Variants in RGPD4 observed in about 807,000 individuals in gnomAD.
RGPD4 encodes RANBP2 like and GRIP domain containing 4, also known as ranBP2-like and GRIP domain-containing protein 4.
RGPD4 carries 84 observed loss-of-function variants against 141.1 expected under a neutral mutation model. The ratio of observed to expected loss-of-function variants is 0.60; its 90% CI spans 0.50 to 0.71. The LOEUF (loss-of-function observed/expected upper bound fraction) is 0.71. Among genes scored for constraint, RGPD4 ranks in the 30% least tolerant of loss-of-function variants. RGPD4 has a pLI of 0.00. For missense variants in RGPD4, 918 were observed against 1,622.4 expected (o/e 0.57, Z 7.46); for synonymous variants, 298 against 566.8 (o/e 0.53, Z 6.74).
intron 18 of RGPD4, 77 bp from the exon 19 acceptor site, chr2:107,869,806 G>C (rs55722971): frequency 8.6e-6 from 13 of 1,516,630 alleles, no homozygotes; most frequent in Admixed American, 2.2e-5. Context: ...TTTTGTATTT[G>C]TAGCTCTTGA....
chr2:107,831,557 C>T (rs1159939307), intron 1 of RGPD4, among the ~76,000 whole-genome samples: 7 of 83,224 alleles, frequency 8.4e-5, no homozygotes, highest in Non-Finnish European at 1.7e-4. Context: ...TAGACATTTT[C>T]TTTTCTTTTC....
chr2:107,847,099 G>A (rs372844845), intron 6 of RGPD4, among the ~76,000 whole-genome samples: 12 of 148,646 alleles, frequency 8.1e-5, no homozygotes, highest in East Asian at 8.1e-4. Flanking sequence ...AAAATTAGCC[G>A]GGCATGTTGG....
Position 107,867,262 on chromosome 2 carries a change from G to C in RGPD4, c.2605+937G>C, listed in dbSNP as rs1206393310. On this transcript the variant is annotated intron_variant, in intron 18 of 22. Transcript: ENST00000408999. Reference sequence around the variant, plus strand: ...ACAGACTTCTGAAATGGTAGTAGTAGTGCCCTTTTTTTTCTCTCTCTCTTT... The same window carrying C: ...ACAGACTTCTGAAATGGTAGTAGTACTGCCCTTTTTTTTCTCTCTCTCTTT... Among the ~76,000 whole-genome samples the C allele has an allele frequency of 1.3e-5, 2 of 151,784 alleles. 1 individual carries two copies. The highest frequency in any genetic ancestry group is 4.8e-5 in the African/African-American group (2 of 41,262).
Position 107,826,911 on chromosome 2 carries a change from T to C in RGPD4, c.-103T>C, listed in dbSNP as rs1174150637. 1.9e-6 allele frequency: 3 copies of C among 1,545,004 alleles called. No individual in the cohort carries two copies. The highest frequency in any genetic ancestry group is 1.7e-6 in the Non-Finnish European group (2 of 1,144,466). On this transcript the variant is annotated 5_prime_UTR_variant, in exon 1 of 23. Coordinates refer to ENST00000408999, the MANE Select transcript of RGPD4 (RefSeq NM_182588.3). Reference sequence around the variant, plus strand: ...TTCGTCACAGTGGTCCTCCGCCGGCTACGCGGAGTCAGTGGCTTTCAGGCG... The same window carrying C: ...TTCGTCACAGTGGTCCTCCGCCGGCCACGCGGAGTCAGTGGCTTTCAGGCG...
At chr2:107,831,612 A>G (rs1286722384) in intron 1 of RGPD4, among the ~76,000 whole-genome samples, 2 of 94,210 alleles carry the variant, frequency 2.1e-5, no homozygotes, top group East Asian at 2.7e-4. Context: ...GTCTCGCTCT[A>G]TCGTCCAGGC....
chr2:107,854,846 G>A (rs1487217176), intron 8 of RGPD4, among the ~76,000 whole-genome samples: 2 of 151,134 alleles, frequency 1.3e-5, no homozygotes, highest in African/African-American at 4.9e-5. Flanking sequence ...GATATTGTTT[G>A]TTCCTATGTG....
rs748857454 is a variant in RGPD4, at chr2:107,871,774, A to C, written c.3770A>C (p.Asp1257Ala). The C allele has an allele frequency of 3.7e-6, 6 of 1,611,402 alleles. No homozygotes were observed. The African/African-American group carries it at 8.1e-5, about 22-fold the overall frequency. ...LEWDNCDLRE[D>A]ALDDSVSSSS... ...TGGGATAACTGTGATTTAAGGGAAG[A>C]TGCTTTGGATGATAGTGTCAGTAGT... The change falls in exon 20 of 23, where the codon GAT becomes GCT. Residue 1257 changes from aspartate (D) to alanine (A), a missense_variant. Coordinates refer to ENST00000408999, the MANE Select transcript of RGPD4 (RefSeq NM_182588.3).
chr2:107,870,603 G>A, intron 19 of RGPD4, 102 bp from the exon 20 acceptor site: 1 of 941,138 alleles, frequency 1.1e-6, no homozygotes, highest in African/African-American at 1.7e-5. Flanking sequence ...CATCATTATT[G>A]TTAACATCAT....
chr2:107,890,471 C>G (rs917078666), intron 22 of RGPD4, among the ~76,000 whole-genome samples: 3 of 136,034 alleles, frequency 2.2e-5, no homozygotes, highest in African/African-American at 8.4e-5. Flanking sequence ...ATCACTTGAG[C>G]CTGGGAGATC....
At chr2:107,890,576 ACCC>A (rs4012302) in intron 22 of RGPD4, 142 bp from the exon 23 acceptor site, 2,263 of 89,076 alleles carry the variant, frequency 0.025, 54 homozygotes, top group South Asian at 0.096. Context: ...AAAAAAAAGA[ACCC>A]CCCCCCCCCA....
At chr2:107,833,236 TA>T (rs1255725750) in intron 1 of RGPD4, among the ~76,000 whole-genome samples, 1,824 of 144,070 alleles carry the variant, frequency 0.013, 28 homozygotes, top group African/African-American at 0.041. Flanking sequence ...CCGTTTGAAT[TA>T]AAAAAAAAAA....
In RGPD4 at chr2:107,888,915, C is replaced by A. The variant is rs537005330; in HGVS notation, c.5267-1806C>A. 1.5e-4 allele frequency among the ~76,000 whole-genome samples: 21 copies of A among 140,010 alleles called. 1 individual carries two copies. The Middle Eastern group carries it at 0.045, about 299-fold the overall frequency. 91.9% of individuals were successfully genotyped at this position (140,010 alleles called of 152,430 possible). A position where few individuals can be genotyped will look rare whatever the true frequency, so the allele number is the denominator to read the frequency against. On this transcript the variant is annotated intron_variant, in intron 22 of 22. Transcript: ENST00000408999. ...CCTGTGAGAGACCTTGAAATAGAAC[C>A]ATTTCTGATCTCCTGACCCACAGAA...
At chr2:107,857,595 G>C (rs1191673028) in intron 9 of RGPD4, among the ~76,000 whole-genome samples, 1 of 151,608 alleles carries the variant, frequency 6.6e-6, no homozygotes, top group Non-Finnish European at 1.5e-5. Context: ...ACTCGGCCCA[G>C]ATAATTTTTT....
chr2:107,840,843 G>A lies in RGPD4; in HGVS notation c.405+1879G>A, dbSNP rs1420982347. On this transcript the variant is annotated intron_variant, in intron 4 of 22. Coordinates refer to ENST00000408999, the MANE Select transcript of RGPD4 (RefSeq NM_182588.3). ...TGGCTCACTGCCACTTCTGCCTCCC[G>A]GATTCTCAGGTGATCCACCCACTTT... 1.3e-4 allele frequency among the ~76,000 whole-genome samples: 9 copies of A among 70,494 alleles called. 3 individuals carry two copies. The highest frequency in any genetic ancestry group is 7.0e-4 in the East Asian group (3 of 4,288). 46.2% of individuals were successfully genotyped at this position (70,494 alleles called of 152,430 possible). A position where few individuals can be genotyped will look rare whatever the true frequency, so the allele number is the denominator to read the frequency against.
In RGPD4 at chr2:107,890,959, T is replaced by C. The variant is rs545823847; in HGVS notation, c.*228T>C. 5.4e-5 allele frequency: 34 copies of C among 624,874 alleles called. 1 individual carries two copies. In the African/African-American group the frequency reaches 5.7e-4, roughly 10 times the overall value. The allele number at this position is 624,874 out of a possible 1,614,324, so 38.7% of individuals were successfully genotyped here. On this transcript the variant is annotated 3_prime_UTR_variant, in exon 23 of 23. Coordinates refer to ENST00000408999, the MANE Select transcript of RGPD4 (RefSeq NM_182588.3). ...TAAAAGTTTCAACTTGAAGTAAAAG[T>C]ACAACAGCTTGAAGTATTGATACCA...
Position 107,861,679 on chromosome 2 carries a change from C to A in RGPD4, c.2144C>A (p.Thr715Asn), listed in dbSNP as rs770345328. The A allele has an allele frequency of 3.7e-6, 6 of 1,602,744 alleles. No individual in the cohort carries two copies. Among genetic ancestry groups the A allele is most frequent in the Non-Finnish European group, 5.1e-6 (6 of 1,176,412 alleles). ...GAATGCAAAAATTATCTGAGAAAGA[C>A]CAGGGGCTACCTAATAAAGATTTTA... ...QEECKNYLRK[T>N]RGYLIKILDD... The change falls in exon 15 of 23, where the codon ACC becomes AAC. Residue 715 changes from threonine (T) to asparagine (N), a missense_variant. Physicochemically the swap from Thr to Asn is moderately conservative, Grantham distance 65. Coordinates refer to ENST00000408999, the MANE Select transcript of RGPD4 (RefSeq NM_182588.3).
intron 17 of RGPD4, among the ~76,000 whole-genome samples, chr2:107,865,617 G>A (rs1202374706): frequency 3.3e-5 from 5 of 152,142 alleles, no homozygotes; most frequent in African/African-American, 1.2e-4. Flanking sequence ...ATGAAGGTGT[G>A]ATCATTTAGG....
intron 21 of RGPD4, among the ~76,000 whole-genome samples, chr2:107,881,342 T>C (rs1476243672): frequency 1.3e-5 from 2 of 150,788 alleles, no homozygotes; most frequent in Admixed American, 6.6e-5. Context: ...TTTTTTGAGA[T>C]AGTCTCGCTC....
intron 18 of RGPD4, among the ~76,000 whole-genome samples, chr2:107,866,889 T>G (rs891355188): frequency 1.5e-4 from 23 of 149,404 alleles, no homozygotes; most frequent in Non-Finnish European, 3.4e-4. Context: ...TTTGTGTATG[T>G]GCAGGTGGGC....
Sources: allele counts gnomAD v4.1 joint callset (sites outside exome capture counted in the v4.1 genomes callset), GRCh38; gene constraint gnomAD v4.1.1; transcripts MANE v1.5; gene names NCBI Gene and HGNC (gene_info 2026-07-23, HGNC 2026-07-21).